FHOD3: variants seen among roughly 807,000 people sequenced by gnomAD.
FHOD3 encodes FH1/FH2 domain-containing protein 3.
FHOD3 carries 90 observed loss-of-function variants against 173.0 expected under a neutral mutation model. That is an observed-to-expected ratio of 0.52 (90% confidence interval 0.44 to 0.62). FHOD3 has a LOEUF of 0.62. Among genes scored for constraint, FHOD3 ranks in the 20% least tolerant of loss-of-function variants. The pLI, the probability that FHOD3 is intolerant of heterozygous loss-of-function variation, is 0.00. For missense variants in FHOD3, 1,945 were observed against 2,034.7 expected (o/e 0.96, Z 0.85); for synonymous variants, 828 against 823.0 (o/e 1.01, Z -0.10).
intron 9 of FHOD3, among the ~76,000 whole-genome samples, chr18:36,618,564 G>A (rs1036015508): frequency 6.6e-5 from 10 of 151,956 alleles, no homozygotes; most frequent in African/African-American, 1.7e-4. Context: ...CACCCTCCTC[G>A]GCCTCCCAAA....
chr18:36,519,208 G>T (rs1045198253), intron 5 of FHOD3, among the ~76,000 whole-genome samples: 4 of 152,152 alleles, frequency 2.6e-5, no homozygotes, highest in African/African-American at 9.7e-5. Flanking sequence ...ACCCCAAATG[G>T]ACTTAAATTG....
rs75495508 is a variant in FHOD3, at chr18:36,529,214, T to C, written c.511+16671T>C. Reference sequence around the variant, plus strand: ...CATTCTTGTGGTGGTTCAGGAAATATGGCAGCGTTCAGGGACAGATGGGTG... The same window carrying C: ...CATTCTTGTGGTGGTTCAGGAAATACGGCAGCGTTCAGGGACAGATGGGTG... On this transcript the variant is annotated intron_variant, in intron 5 of 28. Transcript: ENST00000590592. Among the ~76,000 whole-genome samples, 972 of 152,328 alleles carry C rather than the reference T, an allele frequency of 6.4e-3. 10 individuals are homozygous for C. The highest frequency in any genetic ancestry group is 0.022 in the African/African-American group (922 of 41,562).
chr18:36,652,442 G>A (rs1381532779), intron 11 of FHOD3, 128 bp from the exon 12 acceptor site: 1 of 1,199,254 alleles, frequency 8.3e-7, no homozygotes, highest in African/African-American at 1.5e-5. Context: ...AAGAAACACA[G>A]CTTGACTTTG....
In FHOD3 at chr18:36,737,389, C is replaced by G. The variant is rs2041689029; in HGVS notation, c.3577-3267C>G. On this transcript the variant is annotated intron_variant, in intron 20 of 28. Transcript: ENST00000590592. ...TTTAGAGAAGCATTTATTTTGAAGA[C>G]TAATTGAGTTTAAATCATGCATGTT... Among the ~76,000 whole-genome samples the G allele has an allele frequency of 3.3e-5, 5 of 152,126 alleles. No individual in the cohort carries two copies. The South Asian group carries it at 1.0e-3, about 32-fold the overall frequency.
Position 36,572,433 on chromosome 18 carries a change from G to A in FHOD3, c.512-4018G>A, listed in dbSNP as rs144512311. ...ATTAACCCACATGAATCTATTTAGC[G>A]CCATCTCGTGTCTGGAGCGGTTTAC... is the stretch of plus-strand genomic sequence containing the variant. On this transcript the variant is annotated intron_variant, in intron 5 of 28. Coordinates refer to ENST00000590592, the MANE Select transcript of FHOD3 (RefSeq NM_001281740.3). 7.4e-3 allele frequency among the ~76,000 whole-genome samples: 1,134 copies of A among 152,246 alleles called. 4 individuals carry two copies. The highest frequency in any genetic ancestry group is 9.1e-3 in the Non-Finnish European group (621 of 68,026).
intron 3 of FHOD3, among the ~76,000 whole-genome samples, chr18:36,424,993 A>G (rs1029585546): frequency 1.3e-5 from 2 of 152,208 alleles, no homozygotes; most frequent in Admixed American, 6.5e-5. Flanking sequence ...GCACAAGACT[A>G]GTAATGCTGG....
chr18:36,719,488 G>A (rs569291967), intron 19 of FHOD3, among the ~76,000 whole-genome samples: 40 of 152,274 alleles, frequency 2.6e-4, no homozygotes, highest in South Asian at 4.1e-4. Context: ...AGACTTCTTC[G>A]CCTATCTTAG....
chr18:36,583,714 G>A (rs995070234), intron 6 of FHOD3, among the ~76,000 whole-genome samples: 2 of 152,174 alleles, frequency 1.3e-5, no homozygotes, highest in Admixed American at 6.5e-5. Context: ...ATCCCTTTGT[G>A]TCTGCAGTTC....
Position 36,718,600 on chromosome 18 carries a change from A to G in FHOD3, c.3302A>G (p.Lys1101Arg), listed in dbSNP as rs765829768. 3 of 1,614,036 alleles carry G rather than the reference A, an allele frequency of 1.9e-6. No homozygotes were observed. The highest frequency in any genetic ancestry group is 2.5e-6 in the Non-Finnish European group (3 of 1,180,050). ...GTTCGGCCTTTTGACTGGCCATGTA[A>G]AAACAACCGACGCTGCAGAGAATTC... is the stretch of plus-strand genomic sequence containing the variant. Reference protein sequence around the residue: ...NEVRPFDWPCKNNRRCREFLW... With the variant: ...NEVRPFDWPCRNNRRCREFLW... The change falls in exon 19 of 29, where the codon AAA becomes AGA. Residue 1101 changes from lysine to arginine, a missense_variant. Coordinates refer to ENST00000590592, the MANE Select transcript of FHOD3 (RefSeq NM_001281740.3).
chr18:36,328,183 G>C (rs1459904630), intron 1 of FHOD3, among the ~76,000 whole-genome samples: 5 of 152,186 alleles, frequency 3.3e-5, no homozygotes, highest in Admixed American at 6.5e-5. Context: ...GTATCTGGTG[G>C]GAGACAAGTG....
intron 1 of FHOD3, among the ~76,000 whole-genome samples, chr18:36,339,296 C>G (rs1283824693): frequency 1.3e-5 from 2 of 152,012 alleles, no homozygotes; most frequent in Non-Finnish European, 2.9e-5. Context: ...GGAATGCAAG[C>G]AGATGAGGGC....
chr18:36,554,849 T>C (rs1212642199), intron 5 of FHOD3, among the ~76,000 whole-genome samples: 1 of 152,222 alleles, frequency 6.6e-6, no homozygotes, highest in Non-Finnish European at 1.5e-5. Flanking sequence ...TTCATCTAAG[T>C]AGTCAAATAT....
chr18:36,477,082 G>A (rs895171213), intron 3 of FHOD3, among the ~76,000 whole-genome samples: 2 of 152,170 alleles, frequency 1.3e-5, no homozygotes, highest in Admixed American at 6.5e-5. Context: ...GGATTTCATG[G>A]CAGGTCCTTG....
intron 3 of FHOD3, among the ~76,000 whole-genome samples, chr18:36,473,362 C>T (rs1016133058): frequency 3.3e-5 from 5 of 152,158 alleles, no homozygotes; most frequent in Admixed American, 3.3e-4. Flanking sequence ...TGCAGTGAGC[C>T]AAGATTGTGC....
At chr18:36,610,123 C>T (rs1355662020) in intron 8 of FHOD3, among the ~76,000 whole-genome samples, 1 of 152,204 alleles carries the variant, frequency 6.6e-6, no homozygotes. Context: ...CGGCCTCTCT[C>T]TGTGCCTGGG....
At chr18:36,302,399 C>T (rs976551724) in intron 1 of FHOD3, among the ~76,000 whole-genome samples, 2 of 152,176 alleles carry the variant, frequency 1.3e-5, no homozygotes, top group Admixed American at 6.5e-5. Context: ...GCCCCTCCCC[C>T]CCGACCTGCT....
At chr18:36,468,485 T>C (rs1193445710) in intron 3 of FHOD3, among the ~76,000 whole-genome samples, 1 of 151,604 alleles carries the variant, frequency 6.6e-6, no homozygotes, top group East Asian at 2.0e-4. Flanking sequence ...GCCACAGGAG[T>C]CTGCCGTGGG....
intron 3 of FHOD3, among the ~76,000 whole-genome samples, chr18:36,432,257 A>AGAATGC (rs2050587694): frequency 6.6e-6 from 1 of 152,222 alleles, no homozygotes; most frequent in Admixed American, 6.5e-5. Flanking sequence ...AAGAGTCCAC[A>AGAATGC]GAATGCCAGC....
Position 36,466,714 on chromosome 18 carries a change from T to C in FHOD3, c.338-35218T>C, listed in dbSNP as rs2052961499. Among the ~76,000 whole-genome samples the C allele has an allele frequency of 2.0e-5, 3 of 152,280 alleles. No homozygotes were observed. In the South Asian group the frequency reaches 6.2e-4, roughly 32 times the overall value. Reference sequence around the variant, plus strand: ...CTCAGGAAGAAATTTAGAATAAGAATGGTGGTGAGAGGTCAGCCTCCTTAT... The same window carrying C: ...CTCAGGAAGAAATTTAGAATAAGAACGGTGGTGAGAGGTCAGCCTCCTTAT... On this transcript the variant is annotated intron_variant, in intron 3 of 28. Coordinates refer to ENST00000590592, the MANE Select transcript of FHOD3 (RefSeq NM_001281740.3).
Sources: gnomAD v4.1 joint callset for allele counts (sites outside exome capture counted in the v4.1 genomes callset) on GRCh38, gnomAD v4.1.1 for gene constraint, MANE v1.5 for transcripts, NCBI Gene and HGNC (gene_info 2026-07-23, HGNC 2026-07-21) for gene names.